NUBP1: variants seen among roughly 807,000 people sequenced by gnomAD.
The protein encoded by NUBP1 is NUBP iron-sulfur cluster assembly factor 1, cytosolic.
A neutral mutation model predicts 41.8 loss-of-function variants in NUBP1; 46 were observed. That is an observed-to-expected ratio of 1.10 (90% CI 0.87 to 1.41). The LOEUF (loss-of-function observed/expected upper bound fraction) is 1.41. Ranked by LOEUF, NUBP1 falls within the 40% of genes most tolerant of loss-of-function variation. The probability of loss-of-function intolerance (pLI) is 0.00; values close to 1 mark genes in which losing one functional copy is unlikely to be tolerated. For synonymous variants in NUBP1, 189 were observed against 154.6 expected, an observed-to-expected ratio of 1.22 and a Z score of -1.65; for missense variants, 494 against 414.0, an observed-to-expected ratio of 1.19 and a Z score of -1.68.
chr16:10,751,457 A>G (rs1164988014), intron 3 of NUBP1, among the ~76,000 whole-genome samples: 2 of 152,118 alleles, frequency 1.3e-5, no homozygotes, highest in Non-Finnish European at 2.9e-5. Flanking sequence ...CCCGTGCACA[A>G]GTTTGAGACA....
intron 9 of NUBP1, chr16:10,762,159 G>A (rs2030022283): frequency 3.9e-6 from 1 of 258,050 alleles, no homozygotes; most frequent in Admixed American, 4.9e-5. Context: ...CCCGATAGAG[G>A]GGCGGCTCCA....
rs376901396 is a variant in NUBP1, at chr16:10,769,138, G to A, written c.*33G>A. On this transcript the variant is annotated 3_prime_UTR_variant, in exon 11 of 11. Transcript: ENST00000283027. ...GAATGTTCAGGACCAAGCAGTTACCGAGCGAGGCACTCACTGGGCAGCACA... is the reference window on the plus strand; with the variant it reads ...GAATGTTCAGGACCAAGCAGTTACCAAGCGAGGCACTCACTGGGCAGCACA... 51 of 1,606,788 alleles carry A rather than the reference G, an allele frequency of 3.2e-5. No individual in the cohort carries two copies. The highest frequency in any genetic ancestry group is 2.9e-4 in the African/African-American group (22 of 74,660).
Position 10,767,060 on chromosome 16 carries a change from G to A in NUBP1, c.821-889G>A, listed in dbSNP as rs188947602. On this transcript the variant is annotated intron_variant, in intron 9 of 10. Transcript: ENST00000283027. The surrounding 1 kb of genome is among the most constrained non-coding windows in gnomAD (Gnocchi z 4.6). ...ACAGTAGTGAAGTTGAGGAAATGAT[G>A]AGTGCTAGGTAGGAACCCCTCCTGG... 4.3e-5 allele frequency: 17 copies of A among 398,738 alleles called. No individual in the cohort carries two copies. Among genetic ancestry groups the A allele is most frequent in the Admixed American group, 3.1e-4 (7 of 22,746 alleles). The allele number at this position is 398,738 out of a possible 1,614,324, so 24.7% of individuals were successfully genotyped here. A position where few individuals can be genotyped will look rare whatever the true frequency, so the allele number is the denominator to read the frequency against.
At chr16:10,744,650 C>G (rs1466120321) in intron 2 of NUBP1, among the ~76,000 whole-genome samples, 2 of 152,200 alleles carry the variant, frequency 1.3e-5, no homozygotes, top group Non-Finnish European at 2.9e-5. Context: ...TAAACCACCG[C>G]AGCTTTAAGT....
rs776937673 is a variant in NUBP1, at chr16:10,744,021, A to G, written c.80A>G (p.Asn27Ser). ...GRGASCQGCP[N>S]QRLCASGAGA... ...GGGGCTTCATGTCAGGGATGCCCCA[A>G]CCAGCGGCTGTGCGCTTCTGGAGCG... is the stretch of plus-strand genomic sequence containing the variant. Residue 27 changes from asparagine to serine, a missense_variant, in exon 2 of 11, where the codon AAC becomes AGC. By Grantham distance (46) the Asn-to-Ser change is conservative. Coordinates refer to ENST00000283027, the MANE Select transcript of NUBP1 (RefSeq NM_002484.4). 1.8e-5 allele frequency: 28 copies of G among 1,580,152 alleles called. No individual in the cohort carries two copies. In the African/African-American group the frequency reaches 1.8e-4, roughly 10 times the overall value.
chr16:10,748,926 C>T (rs1159173551), intron 3 of NUBP1, among the ~76,000 whole-genome samples: 1 of 151,742 alleles, frequency 6.6e-6, no homozygotes, highest in Non-Finnish European at 1.5e-5. Context: ...CCTGTCTCCA[C>T]TAAAAAATAC....
rs565210068 is a variant in NUBP1, at chr16:10,767,334, C to T, written c.821-615C>T. 4 of 399,536 alleles carry T rather than the reference C, an allele frequency of 1.0e-5. No homozygotes were observed. The highest frequency in any genetic ancestry group is 1.3e-4 in the South Asian group (1 of 7,878). 24.7% of individuals were successfully genotyped at this position (399,536 alleles called of 1,614,324 possible). On this transcript the variant is annotated intron_variant, in intron 9 of 10. Transcript: ENST00000283027. The surrounding 1 kb of genome is among the most constrained non-coding windows in gnomAD (Gnocchi z 4.6). ...GCATAGGAGGGGACTGGAACAATGG[C>T]CACATGGCGGGGAAAGACTAGCAGA...
rs185777093 is a variant in NUBP1, at chr16:10,762,114, G to A, written c.820+255G>A. On this transcript the variant is annotated intron_variant, in intron 9 of 10. Coordinates refer to ENST00000283027, the MANE Select transcript of NUBP1 (RefSeq NM_002484.4). ...GCCTGGAAGAATGGGGTAGAGGTTG[G>A]TGAGGGTGGTGGTGGCAGGGGACTG... is the stretch of plus-strand genomic sequence containing the variant. The A allele has an allele frequency of 1.2e-3, 443 of 366,388 alleles. 2 individuals carry two copies. Among genetic ancestry groups the A allele is most frequent in the Admixed American group, 1.8e-3 (44 of 24,204 alleles). The allele number at this position is 366,388 out of a possible 1,614,324, so 22.7% of individuals were successfully genotyped here.
rs749249780 is a variant in NUBP1 at position 10,743,990 on chromosome 16, G to A, written c.49G>A (p.Gly17Ser). 6.3e-7 allele frequency: 1 copy of A among 1,582,250 alleles called. No homozygotes were observed. Among genetic ancestry groups the A allele is most frequent in the Non-Finnish European group, 8.5e-7 (1 of 1,169,838 alleles). The part of the protein sequence containing the change: ...DCPGADSAQA[G>S]RGASCQGCPN... ...TCCAGGGGCCGACAGCGCCCAGGCG[G>A]GCAGAGGGGCTTCATGTCAGGGATG... The change falls in exon 2 of 11, where the codon GGC (glycine) becomes AGC (serine). Residue 17 changes from glycine (G) to serine (S), a missense_variant. Transcript: ENST00000283027.
intron 3 of NUBP1, among the ~76,000 whole-genome samples, chr16:10,752,280 G>T (rs1900354760): frequency 6.6e-6 from 1 of 152,126 alleles, no homozygotes; most frequent in Non-Finnish European, 1.5e-5. Flanking sequence ...AGCCAAACAG[G>T]CGCTAGGTCC....
At chr16:10,754,572 G>A (rs1460922030) in intron 4 of NUBP1, among the ~76,000 whole-genome samples, 1 of 152,106 alleles carries the variant, frequency 6.6e-6, no homozygotes, top group African/African-American at 2.4e-5. Flanking sequence ...TTCGAAGTCA[G>A]TCACAGAGGA....
rs2233534 is a variant in NUBP1 at position 10,752,618 on chromosome 16, T to C, written c.267T>C (p.Leu89=). 2,226 of 1,613,612 alleles carry C rather than the reference T, an allele frequency of 1.4e-3. 26 individuals carry two copies. The African/African-American group carries it at 0.022, about 16-fold the overall frequency. The change falls in exon 4 of 11, where the codon CTT becomes CTC. Residue 89 remains leucine (L), a synonymous_variant. Transcript: ENST00000283027. ...TCTCTTCTTGTCCCCAGATTGCTCT[T>C]CTAGACATCGATATATGTGGGCCAT... ...LAEDENTQIA[L]LDIDICGPSI...
chr16:10,744,537 C>T (rs1246279814), intron 2 of NUBP1, among the ~76,000 whole-genome samples: 3 of 152,046 alleles, frequency 2.0e-5, no homozygotes, highest in East Asian at 3.9e-4. Flanking sequence ...TTGATCGCCT[C>T]GTAGGTTTGG....
At position 10,757,873 on chromosome 16, in the gene NUBP1, G is replaced by T. The variant is rs1161758303; in HGVS notation, c.452G>T (p.Gly151Val). 1.2e-6 allele frequency: 2 copies of T among 1,613,230 alleles called. No homozygotes were observed. Among genetic ancestry groups the T allele is most frequent in the Admixed American group, 3.3e-5 (2 of 59,960 alleles). The change falls in exon 7 of 11, where the codon GGC becomes GTC. Residue 151 changes from glycine (G) to valine (V), a missense_variant and splice_region_variant. Coordinates refer to ENST00000283027, the MANE Select transcript of NUBP1 (RefSeq NM_002484.4). The surrounding 1 kb of genome is among the most constrained non-coding windows in gnomAD (Gnocchi z 4.1). ...ATCCCCTGTGGATTCCTCTTTCTAG[G>T]CATGATCAAGCAGTTCCTCCGAGAT... Reference protein sequence around the residue: ...AVIWRGPKKNGMIKQFLRDVD... With the variant: ...AVIWRGPKKNVMIKQFLRDVD...
At chr16:10,753,437 G>A (rs1049985700) in intron 4 of NUBP1, among the ~76,000 whole-genome samples, 1 of 152,004 alleles carries the variant, frequency 6.6e-6, no homozygotes, top group African/African-American at 2.4e-5. Flanking sequence ...GGGCAGGGCT[G>A]TAGCAGTCTA....
At chr16:10,762,123 G>GT (rs1368358147) in intron 9 of NUBP1, 1 of 346,430 alleles carries the variant, frequency 2.9e-6, no homozygotes, top group African/African-American at 2.1e-5. Context: ...GGTGAGGGTG[G>GT]TGGTGGCAGG....
chr16:10,767,430 G>C lies in NUBP1; in HGVS notation c.821-519G>C, dbSNP rs2031055995. On this transcript the variant is annotated intron_variant, in intron 9 of 10. Coordinates refer to ENST00000283027, the MANE Select transcript of NUBP1 (RefSeq NM_002484.4). The surrounding 1 kb of genome is among the most constrained non-coding windows in gnomAD (Gnocchi z 4.6). ...AGACAAAGCAGCAGGCAGAATGTGT[G>C]TGTCATGTGCTCCCATTCGTATTTT... 1 of 400,088 alleles carries C rather than the reference G, an allele frequency of 2.5e-6. No individual in the cohort carries two copies. The highest frequency in any genetic ancestry group is 2.1e-5 in the African/African-American group (1 of 48,636). 24.8% of individuals were successfully genotyped at this position (400,088 alleles called of 1,614,324 possible).
chr16:10,767,691 T>C lies in NUBP1; in HGVS notation c.821-258T>C. On this transcript the variant is annotated intron_variant, in intron 9 of 10. Transcript: ENST00000283027. The surrounding 1 kb of genome is among the most constrained non-coding windows in gnomAD (Gnocchi z 4.6). The stretch of plus-strand genomic sequence containing the variant: ...CTGGGCCCATGTGGAAGCTGCTGAA[T>C]CAGTTCTCTGTAGGGCCCTGGAACC... The C allele has an allele frequency of 1.9e-6, 1 of 522,420 alleles. No homozygotes were observed. The highest frequency in any genetic ancestry group is 2.6e-5 in the South Asian group (1 of 38,212). 32.4% of individuals were successfully genotyped at this position (522,420 alleles called of 1,614,324 possible). A position where few individuals can be genotyped will look rare whatever the true frequency, so the allele number is the denominator to read the frequency against.
intron 9 of NUBP1, chr16:10,762,151 C>A: frequency 3.7e-6 from 1 of 268,432 alleles, no homozygotes; most frequent in South Asian, 9.5e-5. Context: ...GGAGGGCACC[C>A]GATAGAGGGG....
Sources: gnomAD v4.1 joint callset for allele counts (sites outside exome capture counted in the v4.1 genomes callset) on GRCh38, gnomAD v4.1.1 for gene constraint, Gnocchi (gnomAD v3.1) non-coding constraint, MANE v1.5 for transcripts, NCBI Gene and HGNC (gene_info 2026-07-23, HGNC 2026-07-21) for gene names.